PCDHGA9: variants seen among roughly 807,000 people sequenced by gnomAD.
PCDHGA9 encodes protocadherin gamma subfamily A, 9.
In PCDHGA9, 37 loss-of-function variants were observed where a neutral mutation model predicts 62.5. That is an observed-to-expected ratio of 0.59 (90% confidence interval 0.46 to 0.78). The LOEUF (loss-of-function observed/expected upper bound fraction) is 0.78, where lower values mean the gene tolerates loss of function less well. Among genes scored for constraint, PCDHGA9 ranks in the 30% least tolerant of loss-of-function variants. The pLI, the probability that PCDHGA9 is intolerant of heterozygous loss-of-function variation, is 0.00. For missense variants in PCDHGA9, 1,138 were observed against 1,166.2 expected, an observed-to-expected ratio of 0.98 and a Z score of 0.35; for synonymous variants, 459 against 484.6, an observed-to-expected ratio of 0.95 and a Z score of 0.69.
Position 141,490,849 on chromosome 5 carries a change from C to A in PCDHGA9, c.2425-3958C>A, listed in dbSNP as rs200640560. The A allele has an allele frequency of 6.2e-7, 1 of 1,613,748 alleles. No individual in the cohort carries two copies. Among genetic ancestry groups the A allele is most frequent in the Non-Finnish European group, 8.5e-7 (1 of 1,179,862 alleles). On this transcript the variant is annotated intron_variant, in intron 1 of 3. Coordinates refer to ENST00000573521, the MANE Select transcript of PCDHGA9 (RefSeq NM_018921.3). This position sits in a 1 kb window ranked among gnomAD's most constrained non-coding sequence, Gnocchi z 5.4. ...GATGCTGCAGATTGTGGTGGGGGTT[C>A]GAGACTCCGGCTCTCCCCCATTGCA...
At chr5:141,445,282 T>G (rs1023693067) in intron 1 of PCDHGA9, among the ~76,000 whole-genome samples, 4 of 152,220 alleles carry the variant, frequency 2.6e-5, no homozygotes, top group Non-Finnish European at 5.9e-5. Context: ...TCTGCATAAG[T>G]TCAGGCTTCC....
At chr5:141,481,913 CA>C (rs34114744) in intron 1 of PCDHGA9, among the ~76,000 whole-genome samples, 39,195 of 90,872 alleles carry the variant, frequency 0.43, 5,902 homozygotes, top group Admixed American at 0.51. Flanking sequence ...AACTCCATCT[CA>C]AAAAAAAAAA....
chr5:141,490,419 G>C lies in PCDHGA9; in HGVS notation c.2425-4388G>C. The C allele has an allele frequency of 6.2e-7, 1 of 1,614,170 alleles. No homozygotes were observed. Among genetic ancestry groups the C allele is most frequent in the Non-Finnish European group, 8.5e-7 (1 of 1,180,020 alleles). ...TGAGCCTTGATATCTCTCCGGACCT[G>C]CCATTTCAGATTAAGCCTTCTGAGA... On this transcript the variant is annotated intron_variant, in intron 1 of 3. Transcript: ENST00000573521. The surrounding 1 kb of genome is among the most constrained non-coding windows in gnomAD (Gnocchi z 5.4).
intron 1 of PCDHGA9, among the ~76,000 whole-genome samples, chr5:141,472,725 C>T (rs1250092748): frequency 6.6e-6 from 1 of 152,022 alleles, no homozygotes; most frequent in Non-Finnish European, 1.5e-5. Flanking sequence ...GTGGCTCACA[C>T]CTGTAATCCC....
At chr5:141,503,384 C>G (rs898225633) in intron 2 of PCDHGA9, among the ~76,000 whole-genome samples, 1 of 151,906 alleles carries the variant, frequency 6.6e-6, no homozygotes, top group Non-Finnish European at 1.5e-5. Flanking sequence ...ATCATGAGGT[C>G]AGGAGTTCGA....
chr5:141,440,103 A>G (rs1391819927), intron 1 of PCDHGA9: 1 of 152,222 alleles, frequency 6.6e-6, no homozygotes, highest in Non-Finnish European at 1.5e-5. Flanking sequence ...GAAAGTGGAG[A>G]CTTACTTGTG....
chr5:141,441,633 C>T, intron 1 of PCDHGA9: 1 of 226,756 alleles, frequency 4.4e-6, no homozygotes, highest in Non-Finnish European at 8.9e-6. Flanking sequence ...CCTGGAGCCA[C>T]AGGCGCTGTG....
intron 1 of PCDHGA9, among the ~76,000 whole-genome samples, chr5:141,480,700 C>A (rs1327284592): frequency 1.3e-5 from 2 of 152,192 alleles, no homozygotes; most frequent in Admixed American, 6.5e-5. Flanking sequence ...CCAGGCCACA[C>A]CCCGACAAAT....
rs1386561971 is a variant in PCDHGA9, at chr5:141,403,667, G to T, written c.715G>T (p.Ala239Ser). 8 of 1,613,910 alleles carry T rather than the reference G, an allele frequency of 5.0e-6. No individual in the cohort carries two copies. The highest frequency in any genetic ancestry group is 6.8e-6 in the Non-Finnish European group (8 of 1,179,886). The change falls in exon 1 of 4, where the codon GCC (alanine) becomes TCC (serine). Residue 239 changes from alanine (A) to serine (S), a missense_variant. By Grantham distance (99) the Ala-to-Ser change is moderately conservative. Transcript: ENST00000573521. ...HVTVLDTNDN[A>S]PVFAQRIYRV... ...GACAGTGTTGGATACAAATGATAAT[G>T]CCCCGGTTTTTGCTCAACGGATTTA...
chr5:141,449,165 G>A (rs144669334), intron 1 of PCDHGA9, among the ~76,000 whole-genome samples: 3 of 152,234 alleles, frequency 2.0e-5, no homozygotes, highest in Admixed American at 1.3e-4. Context: ...GGAAATAGGT[G>A]TAATTTTCTT....
chr5:141,408,506 T>C, intron 1 of PCDHGA9: 2 of 1,614,010 alleles, frequency 1.2e-6, no homozygotes, highest in Non-Finnish European at 1.7e-6. Flanking sequence ...GAGAAGAAGA[T>C]GTGAGTTGCA....
At chr5:141,408,716 A>G in intron 1 of PCDHGA9, 2 of 1,611,732 alleles carry the variant, frequency 1.2e-6, no homozygotes, top group East Asian at 2.2e-5. Context: ...AGATTATAAG[A>G]TAAACTCTAA....
rs140056243 is a variant in PCDHGA9 at position 141,487,386 on chromosome 5, G to A, written c.2425-7421G>A. 21 of 1,614,046 alleles carry A rather than the reference G, an allele frequency of 1.3e-5. No individual in the cohort carries two copies. The highest frequency in any genetic ancestry group is 4.0e-5 in the African/African-American group (3 of 74,920). On this transcript the variant is annotated intron_variant, in intron 1 of 3. Coordinates refer to ENST00000573521, the MANE Select transcript of PCDHGA9 (RefSeq NM_018921.3). The surrounding 1 kb of genome is among the most constrained non-coding windows in gnomAD (Gnocchi z 5.0). Reference sequence around the variant, plus strand: ...ACCTGTGCCTGTCTCACCAGATCTCGAAGGAGGGAGGGGCTTCCCCCTTCC... The same window carrying A: ...ACCTGTGCCTGTCTCACCAGATCTCAAAGGAGGGAGGGGCTTCCCCCTTCC...
intron 2 of PCDHGA9, among the ~76,000 whole-genome samples, chr5:141,501,530 G>A (rs556760554): frequency 3.5e-4 from 53 of 151,998 alleles, no homozygotes; most frequent in Admixed American, 2.2e-3. Context: ...AGCCCAGTAC[G>A]TTGTTGTGCA....
chr5:141,418,533 C>G, intron 1 of PCDHGA9: 1 of 1,614,032 alleles, frequency 6.2e-7, no homozygotes, highest in Non-Finnish European at 8.5e-7. Flanking sequence ...CGAAGCGGTA[C>G]TGCTCAGATA....
At chr5:141,437,150 A>T (rs572721302) in intron 1 of PCDHGA9, among the ~76,000 whole-genome samples, 1 of 152,328 alleles carries the variant, frequency 6.6e-6, no homozygotes, top group East Asian at 1.9e-4. Flanking sequence ...CATAATTAAC[A>T]TATGTGTTGA....
chr5:141,423,552 C>A, intron 1 of PCDHGA9: 2 of 1,613,720 alleles, frequency 1.2e-6, no homozygotes, highest in Non-Finnish European at 1.7e-6. Context: ...CCCAGCCCAA[C>A]TATGGGGACA....
chr5:141,485,374 T>A lies in PCDHGA9; in HGVS notation c.2425-9433T>A. Reference sequence around the variant, plus strand: ...TGTCAGCTCGCAGGCTGCAGGTCGCTGGAGAGGTGAACCAAAGACACTTCC... The same window carrying A: ...TGTCAGCTCGCAGGCTGCAGGTCGCAGGAGAGGTGAACCAAAGACACTTCC... On this transcript the variant is annotated intron_variant, in intron 1 of 3. Coordinates refer to ENST00000573521, the MANE Select transcript of PCDHGA9 (RefSeq NM_018921.3). The surrounding 1 kb of genome is among the most constrained non-coding windows in gnomAD (Gnocchi z 5.7). The A allele has an allele frequency of 1.2e-6, 2 of 1,614,082 alleles. No homozygotes were observed. Among genetic ancestry groups the A allele is most frequent in the Non-Finnish European group, 1.7e-6 (2 of 1,179,998 alleles).
Position 141,431,325 on chromosome 5 carries a change from G to GT in PCDHGA9, c.2424+25950dup, listed in dbSNP as rs1340996903. On this transcript the variant is annotated intron_variant, in intron 1 of 3. Transcript: ENST00000573521. This position sits in a 1 kb window ranked among gnomAD's most constrained non-coding sequence, Gnocchi z 4.8. ...ATCGTGCAAAATGGAGCCGACGGTA[G>GT]TAAGTACCCCGAATTGGTGCTGAAA... 22 of 1,614,028 alleles carry GT rather than the reference G, an allele frequency of 1.4e-5. No homozygotes were observed. In the Admixed American group the frequency reaches 2.5e-4, roughly 18 times the overall value.
Sources: gnomAD v4.1 joint callset for allele counts (sites outside exome capture counted in the v4.1 genomes callset) on GRCh38, gnomAD v4.1.1 for gene constraint, Gnocchi (gnomAD v3.1) non-coding constraint, MANE v1.5 for transcripts, NCBI Gene and HGNC (gene_info 2026-07-23, HGNC 2026-07-21) for gene names.